SLC24A4: variants seen among roughly 807,000 people sequenced by gnomAD.
SLC24A4 encodes solute carrier family 24 member 4, also known as sodium/potassium/calcium exchanger 4.
SLC24A4 carries 53 observed loss-of-function variants against 79.0 expected under a neutral mutation model. That is an observed-to-expected ratio of 0.67 (90% CI 0.54 to 0.84). SLC24A4 has a LOEUF of 0.84. SLC24A4 is among the 40% of genes least tolerant of loss of function. The probability of loss-of-function intolerance (pLI) is 0.00; values close to 1 mark genes in which losing one functional copy is unlikely to be tolerated. For missense variants in SLC24A4, 731 were observed against 822.0 expected, an observed-to-expected ratio of 0.89 and a Z score of 1.35; for synonymous variants, 323 against 323.8, an observed-to-expected ratio of 1.00 and a Z score of 0.03.
rs57109631 is a variant in SLC24A4 at position 92,499,688 on chromosome 14, AT to A, written c.*6074del. ...CACCACATACAGCTAATTTGTTTTC[AT>A]TTTTTTTTTTTTTAGAGACAGGATC... On this transcript the variant is annotated 3_prime_UTR_variant, in exon 17 of 17. Coordinates refer to ENST00000532405, the MANE Select transcript of SLC24A4 (RefSeq NM_153646.4). The A allele has an allele frequency of 0.018, 1,414 of 79,046 alleles. 4 individuals carry two copies. Among genetic ancestry groups the A allele is most frequent in the African/African-American group, 0.035 (914 of 26,186 alleles). The allele number at this position is 79,046 out of a possible 1,614,324, so 4.9% of individuals were successfully genotyped here. A position where few individuals can be genotyped will look rare whatever the true frequency, so the allele number is the denominator to read the frequency against.
chr14:92,340,992 A>G lies in SLC24A4; in HGVS notation c.241+15014A>G, dbSNP rs564680774. Among the ~76,000 whole-genome samples, 16 of 152,302 alleles carry G rather than the reference A, an allele frequency of 1.1e-4. 1 individual carries two copies. In the South Asian group the frequency reaches 2.1e-3, roughly 20 times the overall value. On this transcript the variant is annotated intron_variant, in intron 2 of 16. Coordinates refer to ENST00000532405, the MANE Select transcript of SLC24A4 (RefSeq NM_153646.4). ...AGTCGGGGCCTTTCTCAGGTGGACA[A>G]CCAGTTCTTAGAGTCATCCTGGTTT...
chr14:92,345,314 A>G (rs555108536), intron 2 of SLC24A4, among the ~76,000 whole-genome samples: 1 of 152,314 alleles, frequency 6.6e-6, no homozygotes, highest in African/African-American at 2.4e-5. Flanking sequence ...CAAGTTACTT[A>G]TGAACCCTTC....
At chr14:92,411,454 C>T (rs1890705579) in intron 2 of SLC24A4, among the ~76,000 whole-genome samples, 1 of 152,196 alleles carries the variant, frequency 6.6e-6, no homozygotes, top group South Asian at 2.1e-4. Flanking sequence ...CTGCCCCTTT[C>T]CTAACCATCT....
At chr14:92,470,949 C>T (rs4904929) in intron 12 of SLC24A4, among the ~76,000 whole-genome samples, 104,174 of 152,110 alleles carry the variant, frequency 0.68, 37,343 homozygotes, top group Non-Finnish European at 0.8. Flanking sequence ...ATCCATCTCT[C>T]AGCATTGCTT....
At chr14:92,373,196 A>G (rs111671205) in intron 2 of SLC24A4, among the ~76,000 whole-genome samples, 215 of 47,928 alleles carry the variant, frequency 4.5e-3, no homozygotes, top group African/African-American at 7.5e-3. Context: ...ACACACACGC[A>G]CACACACACA....
At chr14:92,469,370 G>T (rs12897713) in intron 12 of SLC24A4, among the ~76,000 whole-genome samples, 1 of 151,646 alleles carries the variant, frequency 6.6e-6, no homozygotes, top group Non-Finnish European at 1.5e-5. Flanking sequence ...TTAGCCAGGT[G>T]TGGTGGTGGG....
rs560035498 is a variant in SLC24A4 at position 92,475,315 on chromosome 14, C to T, written c.1256-7365C>T. ...GTAACAAGGCAGTAAACAAAATGCC[C>T]AATTATGCAGAGCAGGCTGTTAGAA... is the stretch of plus-strand genomic sequence containing the variant. On this transcript the variant is annotated intron_variant, in intron 12 of 16. Transcript: ENST00000532405. 2.6e-5 allele frequency among the ~76,000 whole-genome samples: 4 copies of T among 152,120 alleles called. No individual in the cohort carries two copies. The South Asian group carries it at 8.3e-4, about 32-fold the overall frequency.
chr14:92,326,097 A>G (rs1455865135), intron 2 of SLC24A4, 119 bp downstream of exon 2: 12 of 639,798 alleles, frequency 1.9e-5, no homozygotes, highest in Middle Eastern at 7.5e-4. Flanking sequence ...CTTGAGTGGG[A>G]AAGGGTGGCC....
Position 92,493,795 on chromosome 14 carries a change from G to A in SLC24A4, c.*167G>A. The A allele has an allele frequency of 1.3e-6, 1 of 793,388 alleles. No individual in the cohort carries two copies. 49.1% of individuals were successfully genotyped at this position (793,388 alleles called of 1,614,324 possible). A position where few individuals can be genotyped will look rare whatever the true frequency, so the allele number is the denominator to read the frequency against. ...TGGTCTTTGTCTGGCCACAGGCCAGGCTGCTGGGCATCCTCCTCCTCCTTG... is the reference window on the plus strand; with the variant it reads ...TGGTCTTTGTCTGGCCACAGGCCAGACTGCTGGGCATCCTCCTCCTCCTTG... On this transcript the variant is annotated 3_prime_UTR_variant, in exon 17 of 17. Coordinates refer to ENST00000532405, the MANE Select transcript of SLC24A4 (RefSeq NM_153646.4).
At chr14:92,373,430 A>G (rs1003046612) in intron 2 of SLC24A4, among the ~76,000 whole-genome samples, 1 of 152,192 alleles carries the variant, frequency 6.6e-6, no homozygotes, top group Non-Finnish European at 1.5e-5. Flanking sequence ...GAGCTGAGAC[A>G]GGCACCTAAG....
chr14:92,501,381 C>A lies in SLC24A4; in HGVS notation c.*7753C>A. The A allele has an allele frequency of 6.6e-6, 1 of 152,192 alleles. No individual in the cohort carries two copies. The highest frequency in any genetic ancestry group is 1.9e-4 in the East Asian group (1 of 5,202). The allele number at this position is 152,192 out of a possible 1,614,324, so 9.4% of individuals were successfully genotyped here. ...TTATTTTTATTGTGAAGAAAAAAAT[C>A]TACAGCAATCTAAACTAAACCTTTC... On this transcript the variant is annotated 3_prime_UTR_variant, in exon 17 of 17. Transcript: ENST00000532405.
At chr14:92,434,183 C>T (rs1892040869) in intron 3 of SLC24A4, among the ~76,000 whole-genome samples, 195 bp downstream of exon 3, 1 of 152,210 alleles carries the variant, frequency 6.6e-6, no homozygotes, top group African/African-American at 2.4e-5. Context: ...TGTCACACAG[C>T]TAGTGGCCCC....
In SLC24A4 at chr14:92,441,050, T is replaced by G. The variant is rs1892461275; in HGVS notation, c.394-1039T>G. Among the ~76,000 whole-genome samples, 1 of 151,970 alleles carries G rather than the reference T, an allele frequency of 6.6e-6. No homozygotes were observed. Among genetic ancestry groups the G allele is most frequent in the South Asian group, 2.1e-4 (1 of 4,826 alleles). On this transcript the variant is annotated intron_variant, in intron 4 of 16. Transcript: ENST00000532405. This position sits in a 1 kb window ranked among gnomAD's most constrained non-coding sequence, Gnocchi z 4.6. ...AGGTGGCCGGCTTCTGCCCTGGAGA[T>G]CGATGCTGTGCCCCCACCCCAGACT... is the stretch of plus-strand genomic sequence containing the variant.
chr14:92,449,087 A>T lies in SLC24A4; in HGVS notation c.751A>T (p.Met251Leu), dbSNP rs1262048401. The T allele has an allele frequency of 3.7e-6, 6 of 1,614,054 alleles. No individual in the cohort carries two copies. The highest frequency in any genetic ancestry group is 1.7e-5 in the Admixed American group (1 of 60,000). ...CCTCGCTTCCAGGTACAATGTGAAG[A>T]TGCAAGCCTTTTTCACAGTCAAACA... Reference protein sequence around the residue: ...YILIMKYNVKMQAFFTVKQKS... With the variant: ...YILIMKYNVKLQAFFTVKQKS... Residue 251 changes from methionine (M) to leucine (L), a missense_variant, in exon 10 of 17, where the codon ATG (methionine) becomes TTG (leucine). Transcript: ENST00000532405.
intron 2 of SLC24A4, among the ~76,000 whole-genome samples, chr14:92,378,115 C>T (rs576838482): frequency 2.0e-5 from 3 of 152,168 alleles, no homozygotes; most frequent in South Asian, 4.1e-4. Flanking sequence ...CATTTTGTTG[C>T]GGGTGGCAAT....
chr14:92,327,589 G>A (rs1885221321), intron 2 of SLC24A4, among the ~76,000 whole-genome samples: 1 of 152,210 alleles, frequency 6.6e-6, no homozygotes, highest in East Asian at 1.9e-4. Flanking sequence ...GTTCAGGAAT[G>A]TTTGGGTGGT....
At chr14:92,456,929 A>T (rs138249572) in intron 12 of SLC24A4, among the ~76,000 whole-genome samples, 3 of 152,290 alleles carry the variant, frequency 2.0e-5, no homozygotes, top group Non-Finnish European at 2.9e-5. Flanking sequence ...CTTTTGTGCC[A>T]AGGAAAAGCA....
intron 12 of SLC24A4, among the ~76,000 whole-genome samples, chr14:92,458,713 G>A (rs1013436922): frequency 3.3e-5 from 5 of 152,260 alleles, no homozygotes; most frequent in African/African-American, 7.2e-5. Context: ...GCCGTGATTC[G>A]AGCCCTGGCC....
intron 12 of SLC24A4, among the ~76,000 whole-genome samples, chr14:92,472,348 C>A (rs1166719080): frequency 6.6e-6 from 1 of 152,148 alleles, no homozygotes; most frequent in Non-Finnish European, 1.5e-5. Context: ...GTGCACGCAT[C>A]ACCCAAGCAG....
Sources: gnomAD v4.1 joint callset for allele counts (sites outside exome capture counted in the v4.1 genomes callset) on GRCh38, gnomAD v4.1.1 for gene constraint, Gnocchi (gnomAD v3.1) non-coding constraint, MANE v1.5 for transcripts, NCBI Gene and HGNC (gene_info 2026-07-23, HGNC 2026-07-21) for gene names.